The following MED12L variants were observed in gnomAD, a reference collection of about 807,000 sequenced individuals.
MED12L encodes mediator complex subunit 12L, also known as mediator of RNA polymerase II transcription subunit 12-like protein.
Under a neutral mutation model 281.3 loss-of-function variants are expected in MED12L, and 60 were observed. The observed-to-expected ratio is 0.21, with a 90% CI of 0.17 to 0.26. The LOEUF is 0.26. MED12L is among the 10% of genes least tolerant of loss of function. The probability of loss-of-function intolerance (pLI) is 1.00; values close to 1 mark genes in which losing one functional copy is unlikely to be tolerated. For missense variants in MED12L, 2,146 were observed against 2,680.9 expected, an observed-to-expected ratio of 0.80 and a Z score of 4.41; for synonymous variants, 974 against 987.2, an observed-to-expected ratio of 0.99 and a Z score of 0.25.
chr3:151,405,591 C>T (rs1270831883), intron 39 of MED12L, among the ~76,000 whole-genome samples: 4 of 152,140 alleles, frequency 2.6e-5, no homozygotes, highest in Admixed American at 2.6e-4. Context: ...GAAGTATGAT[C>T]TTGCCACTGC....
At chr3:151,191,987 C>A (rs76085782) in intron 14 of MED12L, among the ~76,000 whole-genome samples, 1,916 of 151,990 alleles carry the variant, frequency 0.013, 33 homozygotes, top group African/African-American at 0.038. Context: ...GCTATACTTA[C>A]AATTAAAAAC....
Position 151,436,461 on chromosome 3 carries a change from G to T in MED12L, c.*3657G>T. 2.5e-6 allele frequency: 1 copy of T among 394,262 alleles called. No homozygotes were observed. Among genetic ancestry groups the T allele is most frequent in the Non-Finnish European group, 4.5e-6 (1 of 222,192 alleles). 24.4% of individuals were successfully genotyped at this position (394,262 alleles called of 1,614,324 possible). A position where few individuals can be genotyped will look rare whatever the true frequency, so the allele number is the denominator to read the frequency against. On this transcript the variant is annotated 3_prime_UTR_variant, in exon 45 of 45. Transcript: ENST00000687756. ...AATGTTTGTTTATTGTTATTTGTTG[G>T]CAAAATAAAAGTGCCTTAAGTTAAA... is the stretch of plus-strand genomic sequence containing the variant.
intron 5 of MED12L, among the ~76,000 whole-genome samples, chr3:151,155,320 G>T (rs1719134052): frequency 6.6e-6 from 1 of 152,196 alleles, no homozygotes; most frequent in Admixed American, 6.5e-5. Context: ...ATCCCTCATG[G>T]TTGCCAGAGG....
chr3:151,270,315 G>A (rs1314620756), intron 16 of MED12L, among the ~76,000 whole-genome samples: 1 of 150,880 alleles, frequency 6.6e-6, no homozygotes, highest in East Asian at 2.0e-4. Context: ...CTTATTTGGG[G>A]GGAAAATAAC....
intron 43 of MED12L, among the ~76,000 whole-genome samples, chr3:151,417,298 T>C (rs999036282): frequency 3.9e-5 from 6 of 152,040 alleles, no homozygotes; most frequent in Non-Finnish European, 8.8e-5. Context: ...TTTCACAACT[T>C]GTAGAAAAGG....
At chr3:151,182,541 G>A (rs1160790373) in intron 11 of MED12L, among the ~76,000 whole-genome samples, 1 of 152,164 alleles carries the variant, frequency 6.6e-6, no homozygotes, top group Non-Finnish European at 1.5e-5. Context: ...GGGCAGATAA[G>A]GGGCTGCTCT....
intron 16 of MED12L, among the ~76,000 whole-genome samples, chr3:151,246,842 A>G (rs1735640038): frequency 6.6e-6 from 1 of 152,216 alleles, no homozygotes; most frequent in South Asian, 2.1e-4. Context: ...CAGCCTACAA[A>G]ATGGGAGAAA....
At chr3:151,368,701 TTTC>T in intron 25 of MED12L, among the ~76,000 whole-genome samples, 1 of 65,682 alleles carries the variant, frequency 1.5e-5, no homozygotes, top group Non-Finnish European at 2.8e-5. Context: ...TTTCATTTCA[TTTC>T]ATTTCATTTC....
intron 16 of MED12L, among the ~76,000 whole-genome samples, chr3:151,323,695 C>T (rs1008999138): frequency 6.6e-6 from 1 of 152,204 alleles, no homozygotes; most frequent in African/African-American, 2.4e-5. Flanking sequence ...GTGTGTCTCT[C>T]ACACCTCTTA....
chr3:151,360,875 A>T (rs1364485831), intron 21 of MED12L, among the ~76,000 whole-genome samples: 4 of 152,140 alleles, frequency 2.6e-5, no homozygotes, highest in African/African-American at 9.7e-5. Context: ...TATTTCTTCA[A>T]TAAATAAAGT....
At chr3:151,409,212 A>G in intron 39 of MED12L, 31 bp from the exon 40 acceptor site, 1 of 1,561,114 alleles carries the variant, frequency 6.4e-7, no homozygotes, top group Non-Finnish European at 8.7e-7. Flanking sequence ...TGCTGTTATG[A>G]TCAAGAGTTT....
chr3:151,375,642 T>C (rs1048148626), intron 27 of MED12L, among the ~76,000 whole-genome samples: 1 of 152,178 alleles, frequency 6.6e-6, no homozygotes, highest in Non-Finnish European at 1.5e-5. Flanking sequence ...GTCAGTGAGA[T>C]AGTACAATGT....
intron 16 of MED12L, among the ~76,000 whole-genome samples, chr3:151,194,471 C>G (rs895910424): frequency 6.6e-6 from 1 of 152,098 alleles, no homozygotes. Flanking sequence ...TGAGTAAAAA[C>G]ACAAATTCTT....
intron 16 of MED12L, among the ~76,000 whole-genome samples, chr3:151,314,334 G>A (rs1221439207): frequency 6.6e-6 from 1 of 152,194 alleles, no homozygotes; most frequent in Admixed American, 6.5e-5. Flanking sequence ...TATAAGGAGG[G>A]AGAGGATTTC....
intron 16 of MED12L, among the ~76,000 whole-genome samples, chr3:151,238,548 G>T (rs911290750): frequency 6.6e-6 from 1 of 152,164 alleles, no homozygotes; most frequent in African/African-American, 2.4e-5. Flanking sequence ...AGAGTACTAA[G>T]ATGTTGCTAT....
chr3:151,232,697 A>G (rs1474552099), intron 16 of MED12L, among the ~76,000 whole-genome samples: 3 of 152,202 alleles, frequency 2.0e-5, no homozygotes, highest in African/African-American at 7.2e-5. Flanking sequence ...CAGAAAACCA[A>G]ATACCACATG....
rs767326930 is a variant in MED12L at position 151,191,788 on chromosome 3, C to A, written c.1969-762C>A. On this transcript the variant is annotated intron_variant, in intron 14 of 44. Coordinates refer to ENST00000687756, the MANE Select transcript of MED12L (RefSeq NM_001393769.1). ...GGGCGTGGTGGCACATGCCTGTAGT[C>A]CCAGCTACTCAGGAGGCTGAGGCAG... Among the ~76,000 whole-genome samples the A allele has an allele frequency of 1.1e-4, 16 of 152,096 alleles. 1 individual carries two copies. The highest frequency in any genetic ancestry group is 1.6e-4 in the Non-Finnish European group (11 of 68,028).
At chr3:151,353,644 C>G (rs1337386927) in intron 17 of MED12L, among the ~76,000 whole-genome samples, 2 of 152,170 alleles carry the variant, frequency 1.3e-5, no homozygotes, top group Non-Finnish European at 2.9e-5. Flanking sequence ...AAAGAGAAGT[C>G]TCTTTTATTT....
chr3:151,163,232 T>C (rs1328924953), intron 8 of MED12L, among the ~76,000 whole-genome samples: 1 of 151,866 alleles, frequency 6.6e-6, no homozygotes, highest in Non-Finnish European at 1.5e-5. Flanking sequence ...GAGTGAAGAG[T>C]GTCTGCAAGT....
Sources: gnomAD v4.1 joint callset for allele counts (sites outside exome capture counted in the v4.1 genomes callset) on GRCh38, gnomAD v4.1.1 for gene constraint, MANE v1.5 for transcripts, NCBI Gene and HGNC (gene_info 2026-07-23, HGNC 2026-07-21) for gene names.